GREM1: variants seen among roughly 807,000 people sequenced by gnomAD.
GREM1 encodes gremlin-1.
In GREM1, 6 loss-of-function variants were observed where a neutral mutation model predicts 13.1. The observed-to-expected ratio is 0.46, with a 90% CI of 0.25 to 0.91. GREM1 has a LOEUF of 0.91. Ranked by LOEUF, GREM1 falls within the 40% of genes least tolerant of loss-of-function variation. The pLI, the probability that GREM1 is intolerant of heterozygous loss-of-function variation, is 0.18. For synonymous variants in GREM1, 98 were observed against 93.7 expected, an observed-to-expected ratio of 1.05 and a Z score of -0.27; for missense variants, 185 against 233.9, an observed-to-expected ratio of 0.79 and a Z score of 1.36.
At position 32,721,153 on chromosome 15, in the gene GREM1, G is replaced by A. The variant is rs569314893; in HGVS notation, c.-2+2992G>A. Among the ~76,000 whole-genome samples the A allele has an allele frequency of 4.0e-5, 6 of 151,658 alleles. No individual in the cohort carries two copies. The Middle Eastern group carries it at 0.01, about 258-fold the overall frequency. On this transcript the variant is annotated intron_variant, in intron 1 of 1. Coordinates refer to ENST00000651154, the MANE Select transcript of GREM1 (RefSeq NM_013372.7). Reference sequence around the variant, plus strand: ...CCTGGGCAACACGAGTGAAAACTCCGTCAAAAAAACAAAACAAAACAAACA... The same window carrying A: ...CCTGGGCAACACGAGTGAAAACTCCATCAAAAAAACAAAACAAAACAAACA...
Position 32,718,684 on chromosome 15 carries a change from G to A in GREM1, c.-2+523G>A, listed in dbSNP as rs375373099. ...AGCATCCGGAGAATCCATGATGTGT[G>A]CATTTGCCGATCCCCGAGGTGAGAT... is the stretch of plus-strand genomic sequence containing the variant. On this transcript the variant is annotated intron_variant, in intron 1 of 1. Transcript: ENST00000651154. 2,674 of 354,204 alleles carry A rather than the reference G, an allele frequency of 7.5e-3. 101 individuals carry two copies. The highest frequency in any genetic ancestry group is 0.054 in the South Asian group (2,584 of 47,946). The allele number at this position is 354,204 out of a possible 1,614,324, so 21.9% of individuals were successfully genotyped here. A position where few individuals can be genotyped will look rare whatever the true frequency, so the allele number is the denominator to read the frequency against.
intron 1 of GREM1, among the ~76,000 whole-genome samples, chr15:32,727,425 C>T (rs1474303928): frequency 6.6e-6 from 1 of 152,136 alleles, no homozygotes; most frequent in East Asian, 1.9e-4. Flanking sequence ...GCAGAAAAGG[C>T]CTTCGATAAA....
Position 32,718,099 on chromosome 15 carries a change from C to T in GREM1, c.-64C>T. ...CCGCGCCGAGCCCCGGCGGCTCTGG[C>T]CGCGGCCGCACTCAGCGCCACGCGT... On this transcript the variant is annotated 5_prime_UTR_variant, in exon 1 of 2. Transcript: ENST00000651154. 1 of 1,240,524 alleles carries T rather than the reference C, an allele frequency of 8.1e-7. No individual in the cohort carries two copies. The highest frequency in any genetic ancestry group is 1.0e-6 in the Non-Finnish European group (1 of 976,538). 76.8% of individuals were successfully genotyped at this position (1,240,524 alleles called of 1,614,324 possible). A position where few individuals can be genotyped will look rare whatever the true frequency, so the allele number is the denominator to read the frequency against.
chr15:32,726,885 C>T (rs140501027), intron 1 of GREM1, among the ~76,000 whole-genome samples: 116 of 152,174 alleles, frequency 7.6e-4, no homozygotes, highest in African/African-American at 2.5e-3. Context: ...AACACCTCTA[C>T]GCAAATAAAC....
intron 1 of GREM1, among the ~76,000 whole-genome samples, chr15:32,729,898 T>A (rs905094577): frequency 1.3e-5 from 2 of 152,176 alleles, no homozygotes; most frequent in Non-Finnish European, 2.9e-5. Flanking sequence ...TGAGAATAAG[T>A]GAGAGGTGAA....
Position 32,740,121 on chromosome 15 carries a change from G to T in GREM1, c.*8876G>T, listed in dbSNP as rs2055748403. 6.6e-6 allele frequency: 1 copy of T among 152,224 alleles called. No individual in the cohort carries two copies. The highest frequency in any genetic ancestry group is 6.5e-5 in the Admixed American group (1 of 15,276). The allele number at this position is 152,224 out of a possible 1,614,324, so 9.4% of individuals were successfully genotyped here. A position where few individuals can be genotyped will look rare whatever the true frequency, so the allele number is the denominator to read the frequency against. On this transcript the variant is annotated 3_prime_UTR_variant, in exon 2 of 2. Coordinates refer to ENST00000651154, the MANE Select transcript of GREM1 (RefSeq NM_013372.7). Reference sequence around the variant, plus strand: ...CCCCAAATCACTGGGCAGACTTATTGGTGGGGGTCTTCTCCTCTGAGGCCC... The same window carrying T: ...CCCCAAATCACTGGGCAGACTTATTTGTGGGGGTCTTCTCCTCTGAGGCCC...
At position 32,732,777 on chromosome 15, in the gene GREM1, C is replaced by T. The variant is rs2055643823; in HGVS notation, c.*1532C>T. The T allele has an allele frequency of 4.4e-6, 1 of 229,610 alleles. No homozygotes were observed. Among genetic ancestry groups the T allele is most frequent in the African/African-American group, 2.3e-5 (1 of 44,340 alleles). 14.2% of individuals were successfully genotyped at this position (229,610 alleles called of 1,614,324 possible). A position where few individuals can be genotyped will look rare whatever the true frequency, so the allele number is the denominator to read the frequency against. On this transcript the variant is annotated 3_prime_UTR_variant, in exon 2 of 2. Coordinates refer to ENST00000651154, the MANE Select transcript of GREM1 (RefSeq NM_013372.7). The stretch of plus-strand genomic sequence containing the variant: ...TGGCTACTTAGGATTGATCTAAGGG[C>T]CAAAGTGCAGGGTGGGTGAACTTTA...
rs1406294717 is a variant in GREM1, at chr15:32,735,144, A to T, written c.*3899A>T. ...TAAACCACAGGCTAGATATCATTTA[A>T]TAGGGATGTGAAGTAGAGTAAGTCA... On this transcript the variant is annotated 3_prime_UTR_variant, in exon 2 of 2. Transcript: ENST00000651154. 1 of 152,206 alleles carries T rather than the reference A, an allele frequency of 6.6e-6. No individual in the cohort carries two copies. Among genetic ancestry groups the T allele is most frequent in the Non-Finnish European group, 1.5e-5 (1 of 68,028 alleles). 9.4% of individuals were successfully genotyped at this position (152,206 alleles called of 1,614,324 possible). A position where few individuals can be genotyped will look rare whatever the true frequency, so the allele number is the denominator to read the frequency against.
At chr15:32,725,025 T>G (rs2055476508) in intron 1 of GREM1, among the ~76,000 whole-genome samples, 1 of 136,350 alleles carries the variant, frequency 7.3e-6, no homozygotes, top group African/African-American at 2.5e-5. Context: ...ATTTGCTTTA[T>G]CCAGTCTATC....
intron 1 of GREM1, chr15:32,719,000 T>C (rs983482076): frequency 4.3e-5 from 7 of 164,244 alleles, no homozygotes; most frequent in Admixed American, 1.8e-4. Context: ...CCCCTTAAAC[T>C]GTGTTCTAGA....
chr15:32,730,629 A>G lies in GREM1; in HGVS notation c.-1-61A>G. On this transcript the variant is annotated intron_variant, in intron 1 of 1. Transcript: ENST00000651154. ...TTAAATGCTAGGTGCTATTATTATT[A>G]ATTTTTAAATTAACTTTGCCATGTT... 4 of 1,159,620 alleles carry G rather than the reference A, an allele frequency of 3.4e-6. No homozygotes were observed. The South Asian group carries it at 6.2e-5, about 18-fold the overall frequency. 71.8% of individuals were successfully genotyped at this position (1,159,620 alleles called of 1,614,324 possible). A position where few individuals can be genotyped will look rare whatever the true frequency, so the allele number is the denominator to read the frequency against.
chr15:32,718,669 G>T, intron 1 of GREM1: 1 of 361,202 alleles, frequency 2.8e-6, no homozygotes, highest in Non-Finnish European at 5.4e-6. Flanking sequence ...AGCATCCGGA[G>T]AATCCATGAT....
intron 1 of GREM1, among the ~76,000 whole-genome samples, chr15:32,724,596 C>T (rs1479419070): frequency 1.3e-5 from 2 of 151,928 alleles, no homozygotes; most frequent in African/African-American, 4.8e-5. Context: ...AAAATTCAGT[C>T]CTGTATTATA....
Position 32,732,048 on chromosome 15 carries a change from A to G in GREM1, c.*803A>G, listed in dbSNP as rs2055628273. ...AACAGAACCCAAGTGAACAGAGGAG[A>G]AATGAGATTGCCAGAAAGTGATTAA... On this transcript the variant is annotated 3_prime_UTR_variant, in exon 2 of 2. Coordinates refer to ENST00000651154, the MANE Select transcript of GREM1 (RefSeq NM_013372.7). 2 of 235,238 alleles carry G rather than the reference A, an allele frequency of 8.5e-6. No individual in the cohort carries two copies. The highest frequency in any genetic ancestry group is 1.8e-5 in the Non-Finnish European group (2 of 110,014). The allele number at this position is 235,238 out of a possible 1,614,324, so 14.6% of individuals were successfully genotyped here. A position where few individuals can be genotyped will look rare whatever the true frequency, so the allele number is the denominator to read the frequency against.
intron 1 of GREM1, among the ~76,000 whole-genome samples, chr15:32,727,580 C>T (rs530664310): frequency 4.0e-5 from 6 of 151,744 alleles, no homozygotes; most frequent in African/African-American, 7.3e-5. Context: ...CTTTGAAAAC[C>T]GCCACAAGGA....
In GREM1 at chr15:32,718,075, C is replaced by G. The variant is rs1324858292; in HGVS notation, c.-88C>G. On this transcript the variant is annotated 5_prime_UTR_variant, in exon 1 of 2. Transcript: ENST00000651154. ...GCGTCACTCTCGGTCCCGCTGACCCCGCGCCGAGCCCCGGCGGCTCTGGCC... is the reference window on the plus strand; with the variant it reads ...GCGTCACTCTCGGTCCCGCTGACCCGGCGCCGAGCCCCGGCGGCTCTGGCC... The G allele has an allele frequency of 2.5e-6, 3 of 1,217,770 alleles. No homozygotes were observed. The highest frequency in any genetic ancestry group is 3.1e-6 in the Non-Finnish European group (3 of 966,234). 75.4% of individuals were successfully genotyped at this position (1,217,770 alleles called of 1,614,324 possible).
intron 1 of GREM1, among the ~76,000 whole-genome samples, chr15:32,722,084 C>T (rs1036238294): frequency 6.6e-6 from 1 of 152,212 alleles, no homozygotes; most frequent in Non-Finnish European, 1.5e-5. Context: ...AGACTTTATC[C>T]TCTACCTGTC....
rs981888119 is a variant in GREM1 at position 32,733,417 on chromosome 15, T to C, written c.*2172T>C. The C allele has an allele frequency of 8.7e-6, 2 of 229,008 alleles. No individual in the cohort carries two copies. The highest frequency in any genetic ancestry group is 4.5e-5 in the African/African-American group (2 of 44,282). 14.2% of individuals were successfully genotyped at this position (229,008 alleles called of 1,614,324 possible). On this transcript the variant is annotated 3_prime_UTR_variant, in exon 2 of 2. Transcript: ENST00000651154. ...TTTTAACTCTGCCACAAGAATGCAA[T>C]TTCGTTAACGGAGATGACTTAAGTT...
chr15:32,729,463 T>C (rs527810946), intron 1 of GREM1, among the ~76,000 whole-genome samples: 13 of 152,342 alleles, frequency 8.5e-5, no homozygotes, highest in Admixed American at 2.6e-4. Context: ...CTTCCGCCTT[T>C]TCTGTCTGCC....
Sources: allele counts gnomAD v4.1 joint callset (sites outside exome capture counted in the v4.1 genomes callset), GRCh38; gene constraint gnomAD v4.1.1; transcripts MANE v1.5; gene names NCBI Gene and HGNC (gene_info 2026-07-23, HGNC 2026-07-21).